Variants in TCF25 observed in about 807,000 individuals in gnomAD.
The protein encoded by TCF25 is ribosome quality control complex subunit TCF25.
TCF25 carries 41 observed loss-of-function variants against 83.1 expected under a neutral mutation model. The ratio of observed to expected loss-of-function variants is 0.49; its 90% confidence interval spans 0.38 to 0.64. The LOEUF (loss-of-function observed/expected upper bound fraction) is 0.64, where lower values mean the gene tolerates loss of function less well. TCF25 is among the 30% of genes least tolerant of loss of function. TCF25 has a pLI of 0.00. For synonymous variants in TCF25, 458 were observed against 365.0 expected (o/e 1.25, Z -2.90); for missense variants, 979 against 914.5 (o/e 1.07, Z -0.91).
Position 89,900,607 on chromosome 16 carries a change from C to G in TCF25, c.1222-28C>G, listed in dbSNP as rs763311915. 78 of 1,558,686 alleles carry G rather than the reference C, an allele frequency of 5.0e-5. No individual in the cohort carries two copies. The Admixed American group carries it at 1.3e-3, about 25-fold the overall frequency. On this transcript the variant is annotated intron_variant, in intron 11 of 17. Coordinates refer to ENST00000263346, the MANE Select transcript of TCF25 (RefSeq NM_014972.3). ...TATTTTGTCTTTATGACTTAAGGCTCCACGCTCTGTTTCTTCGTCCCTCGT... is the reference window on the plus strand; with the variant it reads ...TATTTTGTCTTTATGACTTAAGGCTGCACGCTCTGTTTCTTCGTCCCTCGT...
chr16:89,889,001 C>A (rs968745062), intron 5 of TCF25, among the ~76,000 whole-genome samples: 3 of 151,716 alleles, frequency 2.0e-5, no homozygotes, highest in Admixed American at 6.6e-5. Context: ...TAAATTTCAT[C>A]TGTGTCCATT....
At chr16:89,902,954 A>C (rs2044468653) in intron 12 of TCF25, among the ~76,000 whole-genome samples, 1 of 152,164 alleles carries the variant, frequency 6.6e-6, no homozygotes, top group South Asian at 2.1e-4. Flanking sequence ...AGCTTCTAGC[A>C]CAGGCAGAAA....
chr16:89,882,153 G>A (rs1409745082), intron 1 of TCF25, among the ~76,000 whole-genome samples: 1 of 152,184 alleles, frequency 6.6e-6, no homozygotes, highest in African/African-American at 2.4e-5. Context: ...ATGTTGTGAG[G>A]TTTTATCCAT....
At chr16:89,891,403 G>T (rs1470153452) in intron 5 of TCF25, among the ~76,000 whole-genome samples, 3 of 152,230 alleles carry the variant, frequency 2.0e-5, no homozygotes, top group African/African-American at 7.2e-5. Flanking sequence ...GCTGAACTGT[G>T]GGGAGCCCGG....
In TCF25 at chr16:89,904,272, C is replaced by G. The variant is rs1272717829; in HGVS notation, c.1469+67C>G. The G allele has an allele frequency of 2.6e-6, 4 of 1,522,696 alleles. No homozygotes were observed. In the East Asian group the frequency reaches 7.4e-5, roughly 28 times the overall value. The allele number at this position is 1,522,696 out of a possible 1,614,324, so 94.3% of individuals were successfully genotyped here. A position where few individuals can be genotyped will look rare whatever the true frequency, so the allele number is the denominator to read the frequency against. On this transcript the variant is annotated intron_variant, in intron 13 of 17. Coordinates refer to ENST00000263346, the MANE Select transcript of TCF25 (RefSeq NM_014972.3). ...GTTCGGAGCCTGGGAGCCATTTTCA[C>G]TCATCCTGAGAGGCCCTGAGGGACC...
intron 4 of TCF25, among the ~76,000 whole-genome samples, chr16:89,887,344 G>T (rs2043093716): frequency 6.6e-6 from 1 of 151,932 alleles, no homozygotes; most frequent in African/African-American, 2.4e-5. Context: ...AGACGCAGTA[G>T]TGTAGTCCCA....
Position 89,895,066 on chromosome 16 carries a change from T to C in TCF25, c.857T>C (p.Val286Ala), listed in dbSNP as rs2043744962. The part of the protein sequence containing the change: ...VVLLQTSPYH[V>A]DSLLQLSDAC... The stretch of plus-strand genomic sequence containing the variant: ...CTGCTCCAGACGAGCCCTTACCACG[T>C]TGACTCACTCCTGCAGCTCAGCGAT... Residue 286 changes from valine to alanine, a missense_variant, in exon 8 of 18, where the codon GTT becomes GCT. Physicochemically the swap from Val to Ala is moderately conservative, Grantham distance 64. Transcript: ENST00000263346. 1.2e-6 allele frequency: 2 copies of C among 1,613,388 alleles called. No homozygotes were observed. The highest frequency in any genetic ancestry group is 1.7e-6 in the Non-Finnish European group (2 of 1,179,786).
In TCF25 at chr16:89,873,848, C is replaced by A; in HGVS notation, c.181C>A (p.Arg61Ser). ...AGKEGVRVNN[R>S]FELINIDDLE... ...GAAGGAGGGCGTCCGAGTCAACAAC[C>A]GCTTCGAGCTGGTGAGGAGCGCGGC... The change falls in exon 1 of 18, where the codon CGC becomes AGC. Residue 61 changes from arginine to serine, a missense_variant. By Grantham distance (110) the Arg-to-Ser change is moderately radical. Coordinates refer to ENST00000263346, the MANE Select transcript of TCF25 (RefSeq NM_014972.3). 6.5e-7 allele frequency: 1 copy of A among 1,548,862 alleles called. No homozygotes were observed. The highest frequency in any genetic ancestry group is 8.7e-7 in the Non-Finnish European group (1 of 1,149,032).
intron 1 of TCF25, among the ~76,000 whole-genome samples, chr16:89,881,426 G>A (rs1427287859): frequency 6.6e-6 from 1 of 152,136 alleles, no homozygotes; most frequent in Non-Finnish European, 1.5e-5. Context: ...AAGAATTGTT[G>A]ATGCTGGTCT....
Position 89,893,745 on chromosome 16 carries a change from C to T in TCF25, c.715C>T (p.Leu239=), listed in dbSNP as rs769288214. The T allele has an allele frequency of 6.2e-7, 1 of 1,613,878 alleles. No individual in the cohort carries two copies. Among genetic ancestry groups the T allele is most frequent in the Non-Finnish European group, 8.5e-7 (1 of 1,179,966 alleles). The part of the protein sequence containing the change: ...YSKPGLSMRL[L]ESKKGLSFFA... The stretch of plus-strand genomic sequence containing the variant: ...CCTCCCAGGTCTGTCCATGCGGCTG[C>T]TGGAATCAAAAAAAGGCCTCTCCTT... The change falls in exon 7 of 18, where the codon CTG becomes TTG. Residue 239 remains leucine, a synonymous_variant. Coordinates refer to ENST00000263346, the MANE Select transcript of TCF25 (RefSeq NM_014972.3).
chr16:89,883,811 C>A (rs1267293253), intron 2 of TCF25: 1 of 299,740 alleles, frequency 3.3e-6, no homozygotes, highest in Admixed American at 4.3e-5. Context: ...TAGCCGACCG[C>A]GCACGTGTGT....
chr16:89,908,715 CG>C (rs1459366833), intron 16 of TCF25, among the ~76,000 whole-genome samples: 1 of 106,032 alleles, frequency 9.4e-6, no homozygotes, highest in African/African-American at 3.5e-5. Context: ...TCCCACCTCC[CG>C]GCTCCCGCCT....
chr16:89,906,325 G>A, intron 15 of TCF25, 41 bp downstream of exon 15: 7 of 1,593,632 alleles, frequency 4.4e-6, no homozygotes, highest in Non-Finnish European at 6.0e-6. Flanking sequence ...GTGTAAGCCG[G>A]TCACATGCAC....
chr16:89,904,083 T>C (rs201213298), intron 12 of TCF25, 35 bp from the exon 13 acceptor site: 3 of 1,585,208 alleles, frequency 1.9e-6, no homozygotes, highest in African/African-American at 2.7e-5. Context: ...GGGTGTGTGC[T>C]GAGGGCCCCC....
chr16:89,897,632 C>T (rs966424336), intron 9 of TCF25, among the ~76,000 whole-genome samples: 2 of 152,102 alleles, frequency 1.3e-5, no homozygotes, highest in Non-Finnish European at 2.9e-5. Context: ...TAATATTTCC[C>T]GACGCGAAAG....
intron 7 of TCF25, chr16:89,894,809 T>G: frequency 2.5e-6 from 1 of 393,132 alleles, no homozygotes; most frequent in South Asian, 2.7e-5. Context: ...CACACCCGGC[T>G]AATTTTTGTA....
intron 16 of TCF25, 164 bp from the exon 17 acceptor site, chr16:89,910,427 A>G (rs2045465463): frequency 3.0e-6 from 2 of 674,688 alleles, no homozygotes; most frequent in Non-Finnish European, 5.1e-6. Flanking sequence ...CTCACGGGCC[A>G]CCCGGGGAAT....
At chr16:89,903,955 C>G (rs1303434923) in intron 12 of TCF25, among the ~76,000 whole-genome samples, 163 bp from the exon 13 acceptor site, 1 of 152,216 alleles carries the variant, frequency 6.6e-6, no homozygotes, top group Non-Finnish European at 1.5e-5. Context: ...GCAGCAGCAA[C>G]TCAGAATACC....
Position 89,911,188 on chromosome 16 carries a change from C to G in TCF25, c.1981C>G (p.Leu661Val). The change falls in exon 18 of 18, where the codon CTG becomes GTG. Residue 661 changes from leucine to valine, a missense_variant. Leu to Val is a conservative substitution (Grantham distance 32). Transcript: ENST00000263346. The part of the protein sequence containing the change: ...DMMANFHLND[L>V]EAPHEDDAEG... ...GATGGCCAACTTCCACCTCAACGAC[C>G]TGGAGGCGCCGCACGAGGACGACGC... is the stretch of plus-strand genomic sequence containing the variant. 6.2e-7 allele frequency: 1 copy of G among 1,612,510 alleles called. No homozygotes were observed. Among genetic ancestry groups the G allele is most frequent in the African/African-American group, 1.3e-5 (1 of 75,050 alleles).
Sources: gnomAD v4.1 joint callset for allele counts (sites outside exome capture counted in the v4.1 genomes callset) on GRCh38, gnomAD v4.1.1 for gene constraint, MANE v1.5 for transcripts, NCBI Gene and HGNC (gene_info 2026-07-23, HGNC 2026-07-21) for gene names.